Variants in RSRC1 observed in about 807,000 individuals in gnomAD.
RSRC1 encodes the protein serine/Arginine-related protein 53.
A neutral mutation model predicts 49.1 loss-of-function variants in RSRC1; 39 were observed. The observed-to-expected ratio is 0.79, with a 90% confidence interval of 0.61 to 1.04. The LOEUF (loss-of-function observed/expected upper bound fraction) is 1.04, where lower values mean the gene tolerates loss of function less well. Among genes scored for constraint, RSRC1 ranks in the 50% least tolerant of loss-of-function variants. The pLI is 0.00. For missense variants in RSRC1, 388 were observed against 402.4 expected (o/e 0.96, Z 0.31); for synonymous variants, 143 against 130.8 (o/e 1.09, Z -0.63).
intron 6 of RSRC1, among the ~76,000 whole-genome samples, chr3:158,416,677 C>G (rs908269413): frequency 6.6e-6 from 1 of 152,012 alleles, no homozygotes; most frequent in African/African-American, 2.4e-5. Context: ...CCTGGCCAGC[C>G]CCTGTCCAAA....
chr3:158,348,554 A>G (rs896293585), intron 5 of RSRC1, among the ~76,000 whole-genome samples: 20 of 151,340 alleles, frequency 1.3e-4, no homozygotes, highest in African/African-American at 4.8e-4. Flanking sequence ...TTAATCTTAG[A>G]AGTTTTTGTG....
intron 6 of RSRC1, among the ~76,000 whole-genome samples, chr3:158,355,118 T>C (rs1317063542): frequency 6.6e-6 from 1 of 152,096 alleles, no homozygotes; most frequent in Non-Finnish European, 1.5e-5. Context: ...GGTCATTCTT[T>C]ACCTTTTCAT....
intron 5 of RSRC1, among the ~76,000 whole-genome samples, chr3:158,338,968 A>G (rs752399997): frequency 6.6e-6 from 1 of 152,218 alleles, no homozygotes; most frequent in African/African-American, 2.4e-5. Context: ...TTATAAGCAT[A>G]TGATAAATAA....
chr3:158,123,747 C>T, intron 2 of RSRC1, 119 bp from the exon 3 acceptor site: 2 of 925,698 alleles, frequency 2.2e-6, no homozygotes, highest in Non-Finnish European at 3.2e-6. Flanking sequence ...TCTCTGTTTG[C>T]TTCCAGGAAA....
chr3:158,337,759 A>G (rs762823836), intron 5 of RSRC1, among the ~76,000 whole-genome samples: 2 of 152,218 alleles, frequency 1.3e-5, no homozygotes, highest in Non-Finnish European at 2.9e-5. Context: ...TAGCTATGCT[A>G]TCGATTCTCC....
chr3:158,477,174 G>A (rs757120248), intron 7 of RSRC1, among the ~76,000 whole-genome samples: 1 of 152,172 alleles, frequency 6.6e-6, no homozygotes, highest in Non-Finnish European at 1.5e-5. Context: ...TCTACTCCTG[G>A]TGAAGACAGT....
At chr3:158,272,183 T>C (rs565716042) in intron 4 of RSRC1, among the ~76,000 whole-genome samples, 40 of 152,278 alleles carry the variant, frequency 2.6e-4, no homozygotes, top group Non-Finnish European at 4.4e-4. Context: ...CCCGTGGATT[T>C]TTTCCCTGCA....
At chr3:158,207,692 A>G (rs1721426577) in intron 4 of RSRC1, among the ~76,000 whole-genome samples, 1 of 83,518 alleles carries the variant, frequency 1.2e-5, no homozygotes, top group African/African-American at 4.3e-5. Flanking sequence ...CAGACAGGAC[A>G]CAAAGTATAT....
intron 3 of RSRC1, among the ~76,000 whole-genome samples, chr3:158,164,704 G>T (rs1034616057): frequency 1.3e-5 from 2 of 152,078 alleles, no homozygotes; most frequent in Non-Finnish European, 2.9e-5. Flanking sequence ...TTGAGAAATT[G>T]TTTTATAGTG....
chr3:158,200,403 AGTT>A (rs1367295182), intron 3 of RSRC1, among the ~76,000 whole-genome samples: 4 of 152,280 alleles, frequency 2.6e-5, no homozygotes, highest in South Asian at 2.1e-4. Flanking sequence ...GATAGCATGT[AGTT>A]GTTGTTTTAG....
intron 4 of RSRC1, among the ~76,000 whole-genome samples, chr3:158,278,668 A>C (rs827096): frequency 0.48 from 72,416 of 152,004 alleles, 17,809 homozygotes; most frequent in East Asian, 0.64. Context: ...TGTTCTTGCT[A>C]AAAGTCTAAT....
intron 7 of RSRC1, among the ~76,000 whole-genome samples, chr3:158,500,593 G>T (rs1739547749): frequency 6.6e-6 from 1 of 152,002 alleles, no homozygotes; most frequent in African/African-American, 2.4e-5. Context: ...AGCTAGGAGG[G>T]TTGTATTTTT....
intron 4 of RSRC1, among the ~76,000 whole-genome samples, chr3:158,219,340 G>A (rs1056372223): frequency 2.7e-5 from 4 of 150,052 alleles, no homozygotes; most frequent in African/African-American, 9.8e-5. Context: ...CTCCTTTTCT[G>A]AATAGATGAT....
At chr3:158,278,992 T>A (rs1258584458) in intron 4 of RSRC1, among the ~76,000 whole-genome samples, 2 of 152,222 alleles carry the variant, frequency 1.3e-5, no homozygotes, top group Non-Finnish European at 1.5e-5. Context: ...CATTGTATAA[T>A]AAGCACAATG....
At chr3:158,392,471 T>A (rs1349240463) in intron 6 of RSRC1, among the ~76,000 whole-genome samples, 1 of 152,098 alleles carries the variant, frequency 6.6e-6, no homozygotes, top group Non-Finnish European at 1.5e-5. Flanking sequence ...GATACTTCAT[T>A]TTAGCTATGA....
intron 4 of RSRC1, among the ~76,000 whole-genome samples, chr3:158,206,760 A>G (rs1324322969): frequency 6.6e-6 from 1 of 152,086 alleles, no homozygotes; most frequent in Non-Finnish European, 1.5e-5. Flanking sequence ...CTAAAAATAC[A>G]AAAATTAGCT....
chr3:158,119,917 G>A (rs200875459), intron 1 of RSRC1, among the ~76,000 whole-genome samples: 5 of 139,372 alleles, frequency 3.6e-5, no homozygotes, highest in African/African-American at 5.4e-5. Flanking sequence ...TGCAACCTCC[G>A]CCTCCCAGGT....
chr3:158,375,197 T>TATTATC (rs1732295700), intron 6 of RSRC1, among the ~76,000 whole-genome samples: 1 of 143,494 alleles, frequency 7.0e-6, no homozygotes, highest in African/African-American at 2.7e-5. Context: ...TTATTATTAT[T>TATTATC]ATTAACTTAT....
At chr3:158,273,054 T>C (rs1725609748) in intron 4 of RSRC1, among the ~76,000 whole-genome samples, 1 of 152,088 alleles carries the variant, frequency 6.6e-6, no homozygotes, top group South Asian at 2.1e-4. Flanking sequence ...TTTTGTGTTT[T>C]TATCTTCTGA....
Sources: gnomAD v4.1 joint callset for allele counts (sites outside exome capture counted in the v4.1 genomes callset) on GRCh38, gnomAD v4.1.1 for gene constraint, MANE v1.5 for transcripts, NCBI Gene and HGNC (gene_info 2026-07-23, HGNC 2026-07-21) for gene names.